The following HDAC4 variants were observed in gnomAD, a reference collection of about 807,000 sequenced individuals.
The protein encoded by HDAC4 is histone deacetylase 4.
In HDAC4, 16 loss-of-function variants were observed where a neutral mutation model predicts 135.1. The ratio of observed to expected loss-of-function variants is 0.12; its 90% CI spans 0.08 to 0.18. The LOEUF (loss-of-function observed/expected upper bound fraction) is 0.18, where lower values mean the gene tolerates loss of function less well. Ranked by LOEUF, HDAC4 falls within the 10% of genes least tolerant of loss-of-function variation. The pLI is 1.00. For missense variants in HDAC4, 1,143 were observed against 1,511.8 expected, an observed-to-expected ratio of 0.76 and a Z score of 4.05; for synonymous variants, 685 against 653.4, an observed-to-expected ratio of 1.05 and a Z score of -0.74.
At chr2:239,384,962 C>A (rs1695687848) in intron 1 of HDAC4, among the ~76,000 whole-genome samples, 1 of 152,198 alleles carries the variant, frequency 6.6e-6, no homozygotes, top group African/African-American at 2.4e-5. Flanking sequence ...TGGGGAGGTG[C>A]ACACCCAAGG....
At chr2:239,222,091 C>T (rs1241966121) in intron 3 of HDAC4, among the ~76,000 whole-genome samples, 1 of 152,192 alleles carries the variant, frequency 6.6e-6, no homozygotes, top group Non-Finnish European at 1.5e-5. Context: ...AGGGATGACA[C>T]CCTGTGCCAG....
At chr2:239,205,075 C>G (rs564157252) in intron 3 of HDAC4, among the ~76,000 whole-genome samples, 1 of 152,330 alleles carries the variant, frequency 6.6e-6, no homozygotes, top group East Asian at 1.9e-4. Flanking sequence ...TCCTTCCGGC[C>G]TGGTCTCCCC....
At chr2:239,319,631 C>T (rs560737716) in intron 2 of HDAC4, among the ~76,000 whole-genome samples, 12 of 152,216 alleles carry the variant, frequency 7.9e-5, no homozygotes, top group Non-Finnish European at 1.3e-4. Context: ...AGAAAACACA[C>T]AAAAGAATGT....
intron 7 of HDAC4, among the ~76,000 whole-genome samples, chr2:239,155,872 C>A (rs2042394225): frequency 6.6e-6 from 1 of 152,238 alleles, no homozygotes; most frequent in African/African-American, 2.4e-5. Context: ...GCCCTCAGCA[C>A]CTGCTCCAGC....
chr2:239,100,257 G>C (rs985835374), intron 16 of HDAC4, among the ~76,000 whole-genome samples: 13 of 152,232 alleles, frequency 8.5e-5, no homozygotes, highest in African/African-American at 2.9e-4. Context: ...GCACACTGCA[G>C]TGAGCTTTGG....
At chr2:239,145,472 C>T (rs528208543) in intron 7 of HDAC4, among the ~76,000 whole-genome samples, 25 of 152,398 alleles carry the variant, frequency 1.6e-4, no homozygotes, top group African/African-American at 5.3e-4. Context: ...TCATCTGCAT[C>T]TGGAACCCAA....
In HDAC4 at chr2:239,321,191, C is replaced by T. The variant is rs1051405901; in HGVS notation, c.22+31487G>A. 3.0e-4 allele frequency among the ~76,000 whole-genome samples: 45 copies of T among 152,126 alleles called. 1 individual carries two copies. Among genetic ancestry groups the T allele is most frequent in the Admixed American group, 4.6e-4 (7 of 15,278 alleles). On this transcript the variant is annotated intron_variant, in intron 2 of 26. Transcript: ENST00000543185. ...TTCATAAGATTAGCTTGCAGCCAGG[C>T]GCAGTGGCTCACGCCTGTAATCCCG...
chr2:239,160,608 T>C (rs903885760), intron 6 of HDAC4, among the ~76,000 whole-genome samples: 1 of 152,232 alleles, frequency 6.6e-6, no homozygotes, highest in African/African-American at 2.4e-5. Context: ...ACCGTGCCTC[T>C]GGGGCTCCCC....
chr2:239,174,712 G>A (rs1332057402), intron 5 of HDAC4, among the ~76,000 whole-genome samples: 1 of 152,200 alleles, frequency 6.6e-6, no homozygotes, highest in Non-Finnish European at 1.5e-5. Flanking sequence ...AATAGCTCTG[G>A]TTAGGAAACA....
intron 1 of HDAC4, among the ~76,000 whole-genome samples, chr2:239,377,833 C>T (rs1328970112): frequency 6.6e-6 from 1 of 152,170 alleles, no homozygotes. Flanking sequence ...AGGCCCAAGA[C>T]TGATCACCGC....
chr2:239,263,539 G>A (rs534246142), intron 2 of HDAC4, among the ~76,000 whole-genome samples: 1 of 152,324 alleles, frequency 6.6e-6, no homozygotes, highest in South Asian at 2.1e-4. Flanking sequence ...AACGGGTATT[G>A]CTAGGCCCGC....
intron 16 of HDAC4, among the ~76,000 whole-genome samples, chr2:239,099,390 C>T (rs145385610): frequency 1.6e-3 from 251 of 152,356 alleles, no homozygotes; most frequent in Non-Finnish European, 2.9e-3. Context: ...GCAACTCCCA[C>T]GCCTGCTGAA....
At chr2:239,135,742 T>C (rs1051686196) in intron 9 of HDAC4, among the ~76,000 whole-genome samples, 9 of 152,222 alleles carry the variant, frequency 5.9e-5, no homozygotes, top group African/African-American at 2.2e-4. Context: ...ATGGCAGAGC[T>C]ATGCGGCTTC....
In HDAC4 at chr2:239,084,143, G is replaced by A. The variant is rs200346680; in HGVS notation, c.2532+12C>T. ...CAACCTGAGCTGCGCTGGCCAAGGCGGCTCTGCTTACCCAGTCCACGATGA... is the reference window on the plus strand; with the variant it reads ...CAACCTGAGCTGCGCTGGCCAAGGCAGCTCTGCTTACCCAGTCCACGATGA... On this transcript the variant is annotated intron_variant, in intron 20 of 26. Transcript: ENST00000543185. The A allele has an allele frequency of 2.9e-5, 47 of 1,605,694 alleles. No homozygotes were observed. The highest frequency in any genetic ancestry group is 1.9e-4 in the South Asian group (17 of 90,466).
At chr2:239,282,196 ACTCTACAATGTACACAC>A (rs1257113174) in intron 2 of HDAC4, among the ~76,000 whole-genome samples, 38 of 132,694 alleles carry the variant, frequency 2.9e-4, no homozygotes, top group African/African-American at 1.1e-3. Context: ...TGTACACACC[ACTCTACAATGTACACAC>A]CTCTCTACAC....
intron 2 of HDAC4, among the ~76,000 whole-genome samples, chr2:239,304,639 G>A (rs1575659196): frequency 6.6e-6 from 1 of 152,168 alleles, no homozygotes; most frequent in Non-Finnish European, 1.5e-5. Flanking sequence ...CCCTTTGCCA[G>A]GTCCTGTAAA....
intron 2 of HDAC4, among the ~76,000 whole-genome samples, chr2:239,255,295 CTGTGTGTG>C (rs60768204): frequency 1.6e-4 from 24 of 149,700 alleles, no homozygotes; most frequent in African/African-American, 4.4e-4. Context: ...TGTTTTCTCA[CTGTGTGTG>C]TGTGTGTGTG....
intron 2 of HDAC4, among the ~76,000 whole-genome samples, chr2:239,286,005 A>C (rs2051116596): frequency 6.6e-6 from 1 of 152,208 alleles, no homozygotes; most frequent in Non-Finnish European, 1.5e-5. Context: ...AAGAAGTGAA[A>C]AAAGGCAGCA....
At chr2:239,345,835 G>A (rs114492065) in intron 2 of HDAC4, among the ~76,000 whole-genome samples, 2,645 of 92,628 alleles carry the variant, frequency 0.029, 44 homozygotes, top group East Asian at 0.13. Flanking sequence ...ACACACCCCC[G>A]TCTCACACAC....
Sources: allele counts gnomAD v4.1 joint callset (sites outside exome capture counted in the v4.1 genomes callset), GRCh38; gene constraint gnomAD v4.1.1; transcripts MANE v1.5; gene names NCBI Gene and HGNC (gene_info 2026-07-23, HGNC 2026-07-21).